Variants in CRACR2A observed in about 807,000 individuals in gnomAD.
CRACR2A encodes EF-hand calcium-binding domain-containing protein 4B.
Under a neutral mutation model 90.5 loss-of-function variants are expected in CRACR2A, and 79 were observed. That is an observed-to-expected ratio of 0.87 (90% CI 0.73 to 1.05). CRACR2A has a LOEUF of 1.05. Ranked by LOEUF, CRACR2A falls within the 50% of genes least tolerant of loss-of-function variation. CRACR2A has a pLI of 0.00. For missense variants in CRACR2A, 823 were observed against 897.2 expected (o/e 0.92, Z 1.06); for synonymous variants, 338 against 356.7 (o/e 0.95, Z 0.59).
intron 1 of CRACR2A, among the ~76,000 whole-genome samples, chr12:3,739,218 T>C (rs896515062): frequency 2.0e-5 from 3 of 152,234 alleles, no homozygotes; most frequent in Admixed American, 6.5e-5. Context: ...TACAGATTGG[T>C]AGTCAGACAT....
chr12:3,660,727 C>A (rs989687963), intron 7 of CRACR2A, among the ~76,000 whole-genome samples: 2 of 151,978 alleles, frequency 1.3e-5, no homozygotes, highest in Non-Finnish European at 2.9e-5. Context: ...GTGAAAGACC[C>A]TCTCTGTGGC....
At chr12:3,662,534 A>G (rs186929028) in intron 7 of CRACR2A, among the ~76,000 whole-genome samples, 3 of 152,316 alleles carry the variant, frequency 2.0e-5, no homozygotes, top group African/African-American at 7.2e-5. Flanking sequence ...GTAAGGGATT[A>G]TTTACTCCTG....
chr12:3,751,883 C>T (rs1367368906), intron 1 of CRACR2A, among the ~76,000 whole-genome samples: 1 of 152,180 alleles, frequency 6.6e-6, no homozygotes, highest in Admixed American at 6.5e-5. Flanking sequence ...TGAAGTAGCT[C>T]TTATGGGCAA....
intron 2 of CRACR2A, chr12:3,732,525 G>C (rs1007312354): frequency 2.0e-5 from 3 of 152,298 alleles, no homozygotes; most frequent in East Asian, 1.9e-4. Flanking sequence ...AGGATGTCAG[G>C]CTACTAGACA....
intron 2 of CRACR2A, chr12:3,726,677 G>A (rs1591714893): frequency 1.3e-5 from 2 of 152,178 alleles, no homozygotes; most frequent in East Asian, 3.9e-4. Context: ...ACAGGATCCT[G>A]TCTCGTGAGC....
intron 4 of CRACR2A, among the ~76,000 whole-genome samples, chr12:3,694,756 AGTTCCCT>A (rs1046008527): frequency 1.3e-5 from 2 of 152,216 alleles, no homozygotes; most frequent in African/African-American, 2.4e-5. Context: ...TGACACGCTC[AGTTCCCT>A]CTCTTGACAG....
chr12:3,707,950 G>C (rs1945953086), intron 3 of CRACR2A, among the ~76,000 whole-genome samples: 1 of 152,232 alleles, frequency 6.6e-6, no homozygotes, highest in Admixed American at 6.5e-5. Context: ...TGCATATGAT[G>C]ATGAAGTTTA....
At chr12:3,751,313 T>C (rs1227701483) in intron 1 of CRACR2A, among the ~76,000 whole-genome samples, 1 of 152,122 alleles carries the variant, frequency 6.6e-6, no homozygotes. Context: ...CCACCAGCCC[T>C]GTTCAACCCC....
chr12:3,709,756 G>T (rs530390520), intron 3 of CRACR2A, among the ~76,000 whole-genome samples: 1 of 152,352 alleles, frequency 6.6e-6, no homozygotes, highest in African/African-American at 2.4e-5. Flanking sequence ...TGGCCTGGGC[G>T]ACAGAGCGAG....
At chr12:3,646,108 A>T (rs1944681035) in intron 11 of CRACR2A, among the ~76,000 whole-genome samples, 1 of 152,168 alleles carries the variant, frequency 6.6e-6, no homozygotes, top group Non-Finnish European at 1.5e-5. Flanking sequence ...GTGAAACAGG[A>T]GCAAGCGTGA....
chr12:3,727,479 C>T (rs1193738112), intron 2 of CRACR2A: 1 of 152,240 alleles, frequency 6.6e-6, no homozygotes, highest in Non-Finnish European at 1.5e-5. Flanking sequence ...TTTCCTGTTA[C>T]AGACCTGCGC....
chr12:3,633,730 T>C lies in CRACR2A; in HGVS notation c.1609A>G (p.Ser537Gly). Residue 537 changes from serine to glycine, a missense_variant, in exon 15 of 20, where the codon AGC becomes GGC. Coordinates refer to ENST00000440314, the MANE Select transcript of CRACR2A (RefSeq NM_001144958.2). This position sits in a 1 kb window ranked among gnomAD's most constrained non-coding sequence, Gnocchi z 4.5. ...VGKEALCKEESSPSAPDRLFK... is the reference protein window; with the variant it reads ...VGKEALCKEEGSPSAPDRLFK... ...AGCCGGTCAGGGGCAGAGGGAGAGCTTTCCTCCTGTGGATGGCACACAATC... is the reference window on the plus strand; with the variant it reads ...AGCCGGTCAGGGGCAGAGGGAGAGCCTTCCTCCTGTGGATGGCACACAATC... 1 of 1,551,640 alleles carries C rather than the reference T, an allele frequency of 6.4e-7. No homozygotes were observed. Among genetic ancestry groups the C allele is most frequent in the Non-Finnish European group, 8.7e-7 (1 of 1,146,992 alleles).
At chr12:3,651,440 T>G (rs975438518) in intron 10 of CRACR2A, among the ~76,000 whole-genome samples, 1 of 152,258 alleles carries the variant, frequency 6.6e-6, no homozygotes, top group Admixed American at 6.5e-5. Flanking sequence ...TAACCTTTTG[T>G]GCCTTTTGAA....
At chr12:3,686,069 T>G (rs1051851153) in intron 4 of CRACR2A, among the ~76,000 whole-genome samples, 8 of 152,360 alleles carry the variant, frequency 5.3e-5, no homozygotes, top group Middle Eastern at 6.8e-3. Flanking sequence ...TAGCTATAAA[T>G]AATTCACAGC....
intron 7 of CRACR2A, 139 bp downstream of exon 7, chr12:3,673,307 C>T: frequency 1.0e-6 from 1 of 1,000,676 alleles, no homozygotes; most frequent in Non-Finnish European, 1.5e-6. Context: ...GTGACAGACA[C>T]AGGGCCTGGT....
At position 3,674,001 on chromosome 12, in the gene CRACR2A, G is replaced by A. The variant is rs1405868717; in HGVS notation, c.525-409C>T. 3.3e-5 allele frequency among the ~76,000 whole-genome samples: 5 copies of A among 152,276 alleles called. No homozygotes were observed. The South Asian group carries it at 6.2e-4, about 19-fold the overall frequency. ...TCACGACGGGCTCGTGGGGCTGGGC[G>A]TGCACAGCAACATGCTCTGGTGCAT... On this transcript the variant is annotated intron_variant, in intron 6 of 19. Coordinates refer to ENST00000440314, the MANE Select transcript of CRACR2A (RefSeq NM_001144958.2).
At chr12:3,702,701 G>C (rs910317614) in intron 3 of CRACR2A, among the ~76,000 whole-genome samples, 1 of 152,172 alleles carries the variant, frequency 6.6e-6, no homozygotes, top group African/African-American at 2.4e-5. Context: ...ATATTATTAA[G>C]ATGTCATTTC....
At chr12:3,705,633 T>C (rs1945905140) in intron 3 of CRACR2A, among the ~76,000 whole-genome samples, 1 of 152,186 alleles carries the variant, frequency 6.6e-6, no homozygotes, top group South Asian at 2.1e-4. Flanking sequence ...GAAGCCCCAG[T>C]GATTAACTCG....
At position 3,750,640 on chromosome 12, in the gene CRACR2A, A is replaced by C. The variant is rs1037008259; in HGVS notation, c.-387+2375T>G. On this transcript the variant is annotated intron_variant, in intron 1 of 19. Transcript: ENST00000440314. ...AGTGCCTGAGTCCTCTGTGCATTGC[A>C]ACAAAATAGACACTATTTTGTGTGG... Among the ~76,000 whole-genome samples, 26 of 152,282 alleles carry C rather than the reference A, an allele frequency of 1.7e-4. 1 individual carries two copies. Among genetic ancestry groups the C allele is most frequent in the African/African-American group, 6.3e-4 (26 of 41,542 alleles).
Sources: gnomAD v4.1 joint callset for allele counts (sites outside exome capture counted in the v4.1 genomes callset) on GRCh38, gnomAD v4.1.1 for gene constraint, Gnocchi (gnomAD v3.1) non-coding constraint, MANE v1.5 for transcripts, NCBI Gene and HGNC (gene_info 2026-07-23, HGNC 2026-07-21) for gene names.